The following SCYL3 variants were observed in gnomAD, a reference collection of about 807,000 sequenced individuals.
The protein encoded by SCYL3 is protein-associating with the carboxyl-terminal domain of ezrin.
A neutral mutation model predicts 73.8 loss-of-function variants in SCYL3; 35 were observed. The ratio of observed to expected loss-of-function variants is 0.47; its 90% CI spans 0.36 to 0.63. SCYL3 has a LOEUF of 0.63. SCYL3 is among the 20% of genes least tolerant of loss of function. The pLI, the probability that SCYL3 is intolerant of heterozygous loss-of-function variation, is 0.00. For missense variants in SCYL3, 712 were observed against 798.9 expected (o/e 0.89, Z 1.31); for synonymous variants, 277 against 295.2 (o/e 0.94, Z 0.63).
rs1659742013 is a variant in SCYL3 at position 169,862,672 on chromosome 1, T to C, written c.1081A>G (p.Ile361Val). 1 of 1,614,190 alleles carries C rather than the reference T, an allele frequency of 6.2e-7. No individual in the cohort carries two copies. The change falls in exon 10 of 13, where the codon ATC (isoleucine) becomes GTC (valine). Residue 361 changes from isoleucine (I) to valine (V), a missense_variant. Coordinates refer to ENST00000367771, the MANE Select transcript of SCYL3 (RefSeq NM_020423.7). ...GTGAAGTGCTCCACGTAGGCCTCGATGTGAGACAGCAGCACCATCCGCACA... is the reference window on the plus strand; with the variant it reads ...GTGAAGTGCTCCACGTAGGCCTCGACGTGAGACAGCAGCACCATCCGCACA... ...EHVRMVLLSH[I>V]EAYVEHFTQE...
Position 169,876,077 on chromosome 1 carries a change from G to T in SCYL3, c.366C>A (p.His122Gln). The change falls in exon 4 of 13, where the codon CAC (histidine) becomes CAA (glutamine). Residue 122 changes from histidine (H) to glutamine (Q), a missense_variant. His to Gln is a conservative substitution (Grantham distance 24, BLOSUM62 0). Around this residue, in one of 2 missense-constraint regions of SCYL3, gnomAD observed 342 missense variants for 448.1 expected, o/e 0.76. Coordinates refer to ENST00000367771, the MANE Select transcript of SCYL3 (RefSeq NM_020423.7). ...IFLHDRGHLT[H>Q]NNVCLSSVFV... The stretch of plus-strand genomic sequence containing the variant: ...ACACAGATGATAAACAGACATTATT[G>T]TGTGTTAGGTGTCCCTGGAAAAAAA... 1 of 1,582,228 alleles carries T rather than the reference G, an allele frequency of 6.3e-7. No individual in the cohort carries two copies. The highest frequency in any genetic ancestry group is 8.6e-7 in the Non-Finnish European group (1 of 1,165,998).
intron 10 of SCYL3, chr1:169,859,841 AGT>A (rs1247364531): frequency 6.6e-6 from 1 of 152,310 alleles, no homozygotes; most frequent in African/African-American, 2.4e-5. Flanking sequence ...TCTGGGCTGT[AGT>A]GTGCTATGCT....
At chr1:169,882,639 ACT>A (rs1414514962) in intron 2 of SCYL3, among the ~76,000 whole-genome samples, 1 of 152,060 alleles carries the variant, frequency 6.6e-6, no homozygotes, top group Non-Finnish European at 1.5e-5. Context: ...ACCAGTCAGC[ACT>A]CTGTATCTAG....
At chr1:169,882,508 G>C (rs1233117606) in intron 2 of SCYL3, among the ~76,000 whole-genome samples, 1 of 152,210 alleles carries the variant, frequency 6.6e-6, no homozygotes, top group Non-Finnish European at 1.5e-5. Flanking sequence ...ACATGGCGTG[G>C]GACTGGCAGG....
intron 5 of SCYL3, among the ~76,000 whole-genome samples, chr1:169,871,674 G>A (rs1433117961): frequency 2.6e-5 from 4 of 152,188 alleles, no homozygotes; most frequent in African/African-American, 4.8e-5. Flanking sequence ...CTAGAGACTT[G>A]TTGAATGGCT....
At chr1:169,879,540 A>G (rs1661097822) in intron 2 of SCYL3, among the ~76,000 whole-genome samples, 1 of 152,254 alleles carries the variant, frequency 6.6e-6, no homozygotes, top group African/African-American at 2.4e-5. Flanking sequence ...GTTCAAAAAC[A>G]TGAGGCCTGA....
chr1:169,887,420 T>G (rs1168913591), intron 2 of SCYL3, among the ~76,000 whole-genome samples: 1 of 152,084 alleles, frequency 6.6e-6, no homozygotes, highest in Non-Finnish European at 1.5e-5. Context: ...TAAAAAAATC[T>G]TATAAAGAAA....
At chr1:169,865,363 G>A (rs541332050) in intron 8 of SCYL3, among the ~76,000 whole-genome samples, 136 of 152,130 alleles carry the variant, frequency 8.9e-4, no homozygotes, top group African/African-American at 3.1e-3. Context: ...CCCCTACACC[G>A]CTATCAGCAA....
chr1:169,873,794 G>T (rs750319035), intron 4 of SCYL3, 42 bp from the exon 5 acceptor site: 1 of 1,429,498 alleles, frequency 7.0e-7, no homozygotes, highest in Non-Finnish European at 9.8e-7. Context: ...TCATACATAT[G>T]TTTGGTGAAC....
In SCYL3 at chr1:169,852,534, C is replaced by T. The variant is rs1658515327; in HGVS notation, c.*1179G>A. 3 of 476,422 alleles carry T rather than the reference C, an allele frequency of 6.3e-6. No individual in the cohort carries two copies. Among genetic ancestry groups the T allele is most frequent in the Non-Finnish European group, 1.1e-5 (3 of 268,022 alleles). The allele number at this position is 476,422 out of a possible 1,614,324, so 29.5% of individuals were successfully genotyped here. The stretch of plus-strand genomic sequence containing the variant: ...ACTATGCAGCACTTCTCATTGGGAG[C>T]CCTTTGGGACAGGATACTTGTTGTA... On this transcript the variant is annotated 3_prime_UTR_variant, in exon 13 of 13. Coordinates refer to ENST00000367771, the MANE Select transcript of SCYL3 (RefSeq NM_020423.7).
At chr1:169,885,157 G>T (rs368896038) in intron 2 of SCYL3, among the ~76,000 whole-genome samples, 7 of 152,216 alleles carry the variant, frequency 4.6e-5, no homozygotes, top group African/African-American at 1.7e-4. Context: ...GATGGTCTCT[G>T]AAAGAGGGTT....
chr1:169,872,337 A>G (rs1265649812), intron 5 of SCYL3, among the ~76,000 whole-genome samples: 4 of 151,676 alleles, frequency 2.6e-5, no homozygotes, highest in Non-Finnish European at 4.4e-5. Context: ...TGAGCCTGCA[A>G]GTGCACATTA....
chr1:169,870,509 A>T, intron 5 of SCYL3, 152 bp from the exon 6 acceptor site: 1 of 606,296 alleles, frequency 1.6e-6, no homozygotes, highest in Non-Finnish European at 2.9e-6. Flanking sequence ...TAACACTATT[A>T]GTGAATAGAA....
chr1:169,875,625 G>A (rs540025598), intron 4 of SCYL3, among the ~76,000 whole-genome samples: 59 of 152,276 alleles, frequency 3.9e-4, no homozygotes, highest in Non-Finnish European at 6.9e-4. Context: ...CCCAACCAAT[G>A]GAATACAAGA....
rs149664958 is a variant in SCYL3, at chr1:169,854,639, C to T, written c.1638G>A (p.Lys546=). ...ATKPVTSGEQ[K]PIPALLSLTE... is the part of the protein sequence containing the mutation. ...TGAGTGAAAGCAAAGCAGGAATAGG[C>T]TTCTGCTCCCCTGAGGTAACAGGTT... is the stretch of plus-strand genomic sequence containing the variant. The change falls in exon 12 of 13, where the codon AAG becomes AAA. Residue 546 remains lysine (K), a synonymous_variant. Transcript: ENST00000367771. 2.0e-4 allele frequency: 326 copies of T among 1,614,090 alleles called. 1 individual carries two copies. In the African/African-American group the frequency reaches 3.5e-3, roughly 17 times the overall value.
chr1:169,873,635 T>A, intron 5 of SCYL3, 61 bp downstream of exon 5: 1 of 1,207,748 alleles, frequency 8.3e-7, no homozygotes, highest in South Asian at 1.3e-5. Context: ...GAAAGTTTTT[T>A]AAAATTTCAT....
At position 169,868,654 on chromosome 1, in the gene SCYL3, G is replaced by C. The variant is rs1310523110; in HGVS notation, c.737+274C>G. ...GACACACCTAGCTTCTTCACTATTA[G>C]AAGCCCTAATAAATCTGGCTACAGT... On this transcript the variant is annotated intron_variant, in intron 7 of 12. Coordinates refer to ENST00000367771, the MANE Select transcript of SCYL3 (RefSeq NM_020423.7). 3.3e-5 allele frequency among the ~76,000 whole-genome samples: 5 copies of C among 152,144 alleles called. No homozygotes were observed. In the South Asian group the frequency reaches 1.0e-3, roughly 32 times the overall value.
At chr1:169,864,310 T>A (rs1468464987) in intron 9 of SCYL3, 59 bp downstream of exon 9, 1 of 1,603,302 alleles carries the variant, frequency 6.2e-7, no homozygotes, top group African/African-American at 1.3e-5. Flanking sequence ...CCTGCTCAAA[T>A]ATGGACTAAT....
intron 9 of SCYL3, among the ~76,000 whole-genome samples, chr1:169,864,152 C>A (rs970957744): frequency 6.6e-6 from 1 of 152,180 alleles, no homozygotes; most frequent in Non-Finnish European, 1.5e-5. Context: ...ATAACACTTA[C>A]TATAGTAAAT....
Sources: allele counts gnomAD v4.1 joint callset (sites outside exome capture counted in the v4.1 genomes callset), GRCh38; gene constraint gnomAD v4.1.1; regional missense constraint gnomAD v4.1.1; transcripts MANE v1.5; gene names NCBI Gene and HGNC (gene_info 2026-07-23, HGNC 2026-07-21).